The following SVIL variants were observed in gnomAD, a reference collection of about 807,000 sequenced individuals.
SVIL encodes the protein archvillin.
Under a neutral mutation model 240.4 loss-of-function variants are expected in SVIL, and 101 were observed. That is an observed-to-expected ratio of 0.42 (90% CI 0.36 to 0.50). The LOEUF (loss-of-function observed/expected upper bound fraction) is 0.50. SVIL is among the 20% of genes least tolerant of loss of function. SVIL has a pLI of 0.01. For synonymous variants in SVIL, 999 were observed against 1,100.0 expected (o/e 0.91, Z 1.82); for missense variants, 2,512 against 2,818.7 (o/e 0.89, Z 2.46).
At position 29,498,255 on chromosome 10, in the gene SVIL, A is replaced by C. The variant is rs12246790; in HGVS notation, c.3664+861T>G. Among the ~76,000 whole-genome samples, 1,046 of 151,920 alleles carry C rather than the reference A, an allele frequency of 6.9e-3. 11 individuals are homozygous for C. Among genetic ancestry groups the C allele is most frequent in the African/African-American group, 0.025 (1,017 of 41,390 alleles). ...CACATGGTGAAACTCCGTCTGTATTAAAAAGATGAAAAATTAGCCAGGCAT... is the reference window on the plus strand; with the variant it reads ...CACATGGTGAAACTCCGTCTGTATTCAAAAGATGAAAAATTAGCCAGGCAT... On this transcript the variant is annotated intron_variant, in intron 18 of 37. Coordinates refer to ENST00000355867, the MANE Select transcript of SVIL (RefSeq NM_021738.3).
chr10:29,616,873 C>T (rs1261027380), intron 1 of SVIL, among the ~76,000 whole-genome samples: 2 of 152,204 alleles, frequency 1.3e-5, no homozygotes, highest in African/African-American at 2.4e-5. Flanking sequence ...TAGGCCCACG[C>T]CACGAAGCAT....
upstream of SVIL, among the ~76,000 whole-genome samples, chr10:29,637,347 C>T (rs560659831): frequency 3.3e-4 from 50 of 151,986 alleles, no homozygotes; most frequent in Non-Finnish European, 6.2e-4. Flanking sequence ...ATTAGCCAGG[C>T]GTGGTGGTGC....
chr10:29,562,393 G>T (rs1162002474), intron 3 of SVIL, among the ~76,000 whole-genome samples: 3 of 152,234 alleles, frequency 2.0e-5, no homozygotes, highest in Non-Finnish European at 4.4e-5. Flanking sequence ...GCCTCCTTGG[G>T]GAAGAAGAAA....
intron 3 of SVIL, among the ~76,000 whole-genome samples, chr10:29,560,295 TA>T (rs1954337335): frequency 6.6e-6 from 1 of 152,182 alleles, no homozygotes; most frequent in Non-Finnish European, 1.5e-5. Flanking sequence ...GAACATGTTC[TA>T]AAACTGGCTG....
intron 8 of SVIL, 121 bp downstream of exon 8, chr10:29,532,408 C>A (rs909079741): frequency 8.0e-5 from 116 of 1,441,516 alleles, no homozygotes; most frequent in Non-Finnish European, 1.1e-4. Flanking sequence ...AGTCGCCCTG[C>A]ACGCACTTGT....
At chr10:29,687,881 T>C (rs1961205332) in intron 1 of SVIL, among the ~76,000 whole-genome samples, 2 of 131,690 alleles carry the variant, frequency 1.5e-5, no homozygotes, top group South Asian at 4.8e-4. Flanking sequence ...GACTGAGACT[T>C]TTGCCTCAGT....
chr10:29,530,702 A>C (rs763526365), intron 10 of SVIL, 34 bp from the exon 11 acceptor site: 2 of 1,613,466 alleles, frequency 1.2e-6, no homozygotes, highest in Non-Finnish European at 1.7e-6. Flanking sequence ...ACTGGACATC[A>C]TTAGAGAAGG....
At position 29,539,942 on chromosome 10, in the gene SVIL, C is replaced by T. The variant is rs980467657; in HGVS notation, c.828-3873G>A. On this transcript the variant is annotated intron_variant, in intron 6 of 37. Coordinates refer to ENST00000355867, the MANE Select transcript of SVIL (RefSeq NM_021738.3). ...TTTCTTTCAAACCCCACCCCTACCT[C>T]ATCAGCAAGTTCTCTTGGGTACCTT... Among the ~76,000 whole-genome samples, 9 of 152,242 alleles carry T rather than the reference C, an allele frequency of 5.9e-5. No individual in the cohort carries two copies. In the East Asian group the frequency reaches 1.2e-3, roughly 20 times the overall value.
At chr10:29,684,473 A>G (rs979534619) in intron 2 of SVIL, among the ~76,000 whole-genome samples, 1 of 152,146 alleles carries the variant, frequency 6.6e-6, no homozygotes, top group African/African-American at 2.4e-5. Flanking sequence ...TCATAGGTGG[A>G]GTCAAAGATT....
intron 17 of SVIL, among the ~76,000 whole-genome samples, chr10:29,505,060 C>T (rs1422540362): frequency 2.6e-5 from 4 of 152,194 alleles, no homozygotes; most frequent in African/African-American, 9.6e-5. Context: ...TGGAGGCTCA[C>T]GCCTGTAATC....
intron 1 of SVIL, among the ~76,000 whole-genome samples, chr10:29,696,835 C>G (rs912837705): frequency 1.1e-4 from 16 of 150,818 alleles, no homozygotes; most frequent in Non-Finnish European, 1.9e-4. Context: ...CTCAGCCCCC[C>G]GCCCGGCCAA....
At chr10:29,665,107 G>A (rs1959206952) in intron 2 of SVIL, among the ~76,000 whole-genome samples, 1 of 151,580 alleles carries the variant, frequency 6.6e-6, no homozygotes, top group Non-Finnish European at 1.5e-5. Flanking sequence ...TAAGCCTGTA[G>A]TGCCAGCTAC....
At chr10:29,469,829 G>GA (rs1945351058) in intron 32 of SVIL, among the ~76,000 whole-genome samples, 2 of 152,342 alleles carry the variant, frequency 1.3e-5, no homozygotes, top group African/African-American at 4.8e-5. Flanking sequence ...CAGAATGGGG[G>GA]ATATCTTATC....
chr10:29,668,289 G>A (rs1164293887), intron 2 of SVIL, among the ~76,000 whole-genome samples: 2 of 152,092 alleles, frequency 1.3e-5, no homozygotes, highest in Non-Finnish European at 2.9e-5. Flanking sequence ...CTCATGCTAA[G>A]TATGCACCTG....
chr10:29,674,943 C>T (rs1395948983), intron 2 of SVIL, among the ~76,000 whole-genome samples: 1 of 152,248 alleles, frequency 6.6e-6, no homozygotes, highest in East Asian at 1.9e-4. Context: ...TTCCGAGGAC[C>T]TTTGCGATTA....
At chr10:29,520,954 T>C (rs907175809) in intron 16 of SVIL, among the ~76,000 whole-genome samples, 2 of 149,264 alleles carry the variant, frequency 1.3e-5, no homozygotes, top group Non-Finnish European at 3.0e-5. Flanking sequence ...CCAGGCACGG[T>C]GGCTCACGCC....
At chr10:29,667,167 T>C (rs1959371760) in intron 2 of SVIL, among the ~76,000 whole-genome samples, 1 of 152,212 alleles carries the variant, frequency 6.6e-6, no homozygotes, top group South Asian at 2.1e-4. Flanking sequence ...TGAAAACTTA[T>C]GTTTCCATAA....
intron 1 of SVIL, among the ~76,000 whole-genome samples, chr10:29,596,805 C>T (rs374175236): frequency 2.6e-5 from 4 of 152,202 alleles, no homozygotes; most frequent in South Asian, 2.1e-4. Context: ...TTCCATATCT[C>T]GTTTCATCTT....
At chr10:29,506,910 C>T (rs1178799770) in intron 17 of SVIL, among the ~76,000 whole-genome samples, 2 of 152,122 alleles carry the variant, frequency 1.3e-5, no homozygotes, top group Non-Finnish European at 2.9e-5. Flanking sequence ...GGGAGCCTGG[C>T]ATTCATGGAA....
Sources: gnomAD v4.1 joint callset for allele counts (sites outside exome capture counted in the v4.1 genomes callset) on GRCh38, gnomAD v4.1.1 for gene constraint, MANE v1.5 for transcripts, NCBI Gene and HGNC (gene_info 2026-07-23, HGNC 2026-07-21) for gene names.